Variants in PLAC9 observed in about 807,000 individuals in gnomAD.
PLAC9 encodes the protein placenta associated 9, also known as placenta-specific protein 9.
In PLAC9, 12 loss-of-function variants were observed where a neutral mutation model predicts 11.5. That is an observed-to-expected ratio of 1.05 (90% CI 0.67 to 1.69). The LOEUF (loss-of-function observed/expected upper bound fraction) is 1.69, where lower values mean the gene tolerates loss of function less well. Among genes scored for constraint, PLAC9 ranks in the 40% most tolerant of loss-of-function variants. PLAC9 has a pLI of 0.00. For missense variants in PLAC9, 132 were observed against 130.5 expected, an observed-to-expected ratio of 1.01 and a Z score of -0.06; for synonymous variants, 62 against 58.1, an observed-to-expected ratio of 1.07 and a Z score of -0.31.
intron 1 of PLAC9, among the ~76,000 whole-genome samples, chr10:80,137,080 C>A (rs1478402343): frequency 3.3e-5 from 5 of 152,210 alleles, no homozygotes; most frequent in Non-Finnish European, 7.3e-5. Context: ...CAATGTCAGG[C>A]CCTGCTCCAA....
chr10:80,133,388 T>C (rs1844934957), intron 1 of PLAC9, among the ~76,000 whole-genome samples: 1 of 152,162 alleles, frequency 6.6e-6, no homozygotes, highest in Admixed American at 6.5e-5. Flanking sequence ...CAGGCCTGGC[T>C]TTATAGGACA....
chr10:80,144,233 A>T lies in PLAC9; in HGVS notation c.173A>T (p.Lys58Met). 6.2e-7 allele frequency: 1 copy of T among 1,614,166 alleles called. No homozygotes were observed. Among genetic ancestry groups the T allele is most frequent in the Non-Finnish European group, 8.5e-7 (1 of 1,180,016 alleles). Reference sequence around the variant, plus strand: ...CACTTCCCACTCTAGATGGTAGAGAAGACCGTGGATCACCTGGGGACAGAG... The same window carrying T: ...CACTTCCCACTCTAGATGGTAGAGATGACCGTGGATCACCTGGGGACAGAG... ...RLDVMEEMVE[K>M]TVDHLGTEVK... The change falls in exon 3 of 4, where the codon AAG becomes ATG. Residue 58 changes from lysine to methionine, a missense_variant. Lys to Met is a moderately conservative substitution (Grantham distance 95). Transcript: ENST00000372263.
upstream of PLAC9, chr10:80,132,493 A>G: frequency 2.4e-6 from 1 of 409,544 alleles, no homozygotes; most frequent in Non-Finnish European, 4.3e-6. Context: ...CCGGGCTCCC[A>G]GGAGGTGCGG....
At chr10:80,132,942 G>C in intron 1 of PLAC9, 116 bp downstream of exon 1, 1 of 821,730 alleles carries the variant, frequency 1.2e-6, no homozygotes. Context: ...GAGATGGACA[G>C]AGAGGCAGAT....
chr10:80,134,704 T>C (rs1844953400), intron 1 of PLAC9, among the ~76,000 whole-genome samples: 1 of 152,246 alleles, frequency 6.6e-6, no homozygotes, highest in Non-Finnish European at 1.5e-5. Flanking sequence ...CAATCACTGT[T>C]CAAATGTCCT....
At chr10:80,141,265 T>C (rs1165135650) in intron 1 of PLAC9, among the ~76,000 whole-genome samples, 1 of 152,176 alleles carries the variant, frequency 6.6e-6, no homozygotes, top group African/African-American at 2.4e-5. Flanking sequence ...TTCCCTATAT[T>C]TAAAAAATTC....
intron 1 of PLAC9, among the ~76,000 whole-genome samples, chr10:80,140,789 A>G (rs1461745576): frequency 1.3e-5 from 2 of 152,124 alleles, no homozygotes; most frequent in African/African-American, 2.4e-5. Context: ...TCGCCCTCCC[A>G]AAGTGCTGGG....
At chr10:80,144,709 G>A (rs755129737) in intron 3 of PLAC9, among the ~76,000 whole-genome samples, 191 bp from the exon 4 acceptor site, 5 of 152,150 alleles carry the variant, frequency 3.3e-5, no homozygotes, top group Non-Finnish European at 4.4e-5. Context: ...CAAAACTCTC[G>A]CAGGGAAGAC....
intron 1 of PLAC9, among the ~76,000 whole-genome samples, chr10:80,133,445 C>T (rs992502349): frequency 3.6e-4 from 55 of 152,330 alleles, no homozygotes; most frequent in African/African-American, 1.3e-3. Flanking sequence ...CAGGCTAGCC[C>T]AGCACAGCCT....
intron 1 of PLAC9, among the ~76,000 whole-genome samples, chr10:80,140,916 C>A (rs1178525651): frequency 6.6e-6 from 1 of 152,168 alleles, no homozygotes; most frequent in Non-Finnish European, 1.5e-5. Flanking sequence ...AATTTATTGG[C>A]CCTCTTCTTG....
intron 1 of PLAC9, among the ~76,000 whole-genome samples, chr10:80,138,011 G>C (rs1444831955): frequency 6.6e-6 from 1 of 152,088 alleles, no homozygotes; most frequent in Non-Finnish European, 1.5e-5. Flanking sequence ...CCAGGATGGA[G>C]CATAGCCCCC....
chr10:80,143,346 G>A (rs1334802508), intron 2 of PLAC9, among the ~76,000 whole-genome samples: 2 of 150,494 alleles, frequency 1.3e-5, no homozygotes, highest in Non-Finnish European at 2.9e-5. Flanking sequence ...TTACAGGCGT[G>A]AGCCACCATG....
At chr10:80,136,615 GT>G (rs1402629548) in intron 1 of PLAC9, among the ~76,000 whole-genome samples, 1 of 152,006 alleles carries the variant, frequency 6.6e-6, no homozygotes, top group Non-Finnish European at 1.5e-5. Context: ...GAGACTACAA[GT>G]ATATACCACC....
intron 2 of PLAC9, 186 bp from the exon 3 acceptor site, chr10:80,144,037 T>C (rs1845071188): frequency 1.1e-5 from 8 of 730,354 alleles, no homozygotes; most frequent in Non-Finnish European, 1.4e-5. Flanking sequence ...CCCCCTAGGA[T>C]ATTGTCATCT....
intron 1 of PLAC9, among the ~76,000 whole-genome samples, chr10:80,133,260 T>G (rs1800572125): frequency 6.6e-6 from 1 of 152,066 alleles, no homozygotes; most frequent in African/African-American, 2.4e-5. Context: ...AGAGGGAAGC[T>G]CGATGCCCGG....
At chr10:80,144,461 C>T (rs1845077745) in intron 3 of PLAC9, 118 bp downstream of exon 3, 2 of 1,341,066 alleles carry the variant, frequency 1.5e-6, no homozygotes, top group South Asian at 3.0e-5. Flanking sequence ...GGGAGGGCCC[C>T]AGCGCTCCCT....
chr10:80,132,708 T>C, upstream of PLAC9: 2 of 1,400,054 alleles, frequency 1.4e-6, no homozygotes, highest in Non-Finnish European at 1.9e-6. Flanking sequence ...CCGGGTGCGA[T>C]CCGGGAAGGG....
intron 2 of PLAC9, among the ~76,000 whole-genome samples, chr10:80,142,729 T>TC (rs2132338166): frequency 7.6e-6 from 1 of 130,918 alleles, no homozygotes; most frequent in African/African-American, 3.2e-5. Context: ...ATACATTTTA[T>TC]TTTTTTTGAG....
At chr10:80,144,122 C>T (rs1845072233) in intron 2 of PLAC9, 101 bp from the exon 3 acceptor site, 18 of 1,537,320 alleles carry the variant, frequency 1.2e-5, no homozygotes, top group East Asian at 2.2e-5. Flanking sequence ...TCCTTTCCCA[C>T]TGCACCGCAC....
Sources: allele counts gnomAD v4.1 joint callset (sites outside exome capture counted in the v4.1 genomes callset), GRCh38; gene constraint gnomAD v4.1.1; transcripts MANE v1.5; gene names NCBI Gene and HGNC (gene_info 2026-07-23, HGNC 2026-07-21).